Variants in ERBB4 observed in about 807,000 individuals in gnomAD.
ERBB4 encodes receptor tyrosine-protein kinase erbB-4.
A neutral mutation model predicts 158.0 loss-of-function variants in ERBB4; 42 were observed. The observed-to-expected ratio is 0.27, with a 90% CI of 0.21 to 0.34. The LOEUF (loss-of-function observed/expected upper bound fraction) is 0.34. Ranked by LOEUF, ERBB4 falls within the 10% of genes least tolerant of loss-of-function variation. The pLI is 1.00. For synonymous variants in ERBB4, 583 were observed against 558.7 expected (o/e 1.04, Z -0.61); for missense variants, 1,333 against 1,624.1 (o/e 0.82, Z 3.08).
intron 3 of ERBB4, among the ~76,000 whole-genome samples, chr2:211,822,803 C>T (rs72948566): frequency 6.6e-6 from 1 of 151,870 alleles, no homozygotes; most frequent in Non-Finnish European, 1.5e-5. Context: ...CTCTGACAAC[C>T]ACATGCTTGT....
At chr2:211,503,610 T>C (rs1438533179) in intron 20 of ERBB4, among the ~76,000 whole-genome samples, 1 of 152,124 alleles carries the variant, frequency 6.6e-6, no homozygotes, top group Non-Finnish European at 1.5e-5. Context: ...TGGACCCGCA[T>C]AGCGCCTTGG....
intron 3 of ERBB4, among the ~76,000 whole-genome samples, chr2:211,923,364 G>A (rs74976839): frequency 0.031 from 4,771 of 152,218 alleles, 263 homozygotes; most frequent in African/African-American, 0.11. Context: ...TTAAAAAAGA[G>A]TTTGGTTAAA....
chr2:212,474,822 C>CTTTTTTTTTTTTTTTTT lies in ERBB4; in HGVS notation c.82+63610_82+63626dup, dbSNP rs539959668. ...CACCATTTCCTGACACCCGGCCATT[C>CTTTTTTTTTTTTTTTTT]TTTTTTTTTTTTTTTTTTGTCAAGA... On this transcript the variant is annotated intron_variant, in intron 1 of 27. Coordinates refer to ENST00000342788, the MANE Select transcript of ERBB4 (RefSeq NM_005235.3). Among the ~76,000 whole-genome samples, 101 of 94,386 alleles carry CTTTTTTTTTTTTTTTTT rather than the reference C, an allele frequency of 1.1e-3. 12 individuals carry two copies. The highest frequency in any genetic ancestry group is 5.3e-3 in the Middle Eastern group (1 of 188). The allele number at this position is 94,386 out of a possible 152,430, so 61.9% of individuals were successfully genotyped here. A position where few individuals can be genotyped will look rare whatever the true frequency, so the allele number is the denominator to read the frequency against.
chr2:212,473,774 T>G (rs1689234408), intron 1 of ERBB4, among the ~76,000 whole-genome samples: 1 of 152,038 alleles, frequency 6.6e-6, no homozygotes, highest in African/African-American at 2.4e-5. Context: ...CATATTTTCT[T>G]TTTCTCAGAG....
intron 1 of ERBB4, among the ~76,000 whole-genome samples, chr2:212,207,923 T>A (rs1254829618): frequency 5.9e-5 from 9 of 151,298 alleles, no homozygotes; most frequent in East Asian, 1.9e-4. Context: ...TGCAATTTTT[T>A]AATTTGTATT....
Position 211,773,629 on chromosome 2 carries a change from T to TA in ERBB4, c.556+14395dup, listed in dbSNP as rs1183078014. ...ATATATATATATATATATATATATA[T>TA]ATATATATATATATATATAATATAT... On this transcript the variant is annotated intron_variant, in intron 4 of 27. Transcript: ENST00000342788. Among the ~76,000 whole-genome samples the TA allele has an allele frequency of 1.4e-3, 72 of 51,058 alleles. 4 individuals are homozygous for TA. The highest frequency in any genetic ancestry group is 2.2e-3 in the Non-Finnish European group (55 of 24,612). The allele number at this position is 51,058 out of a possible 152,430, so 33.5% of individuals were successfully genotyped here.
At chr2:212,488,721 A>G (rs1233651449) in intron 1 of ERBB4, among the ~76,000 whole-genome samples, 1 of 151,874 alleles carries the variant, frequency 6.6e-6, no homozygotes, top group African/African-American at 2.4e-5. Flanking sequence ...TTCCTACCAC[A>G]GAAATACTCT....
At chr2:212,169,303 T>C (rs1273171095) in intron 1 of ERBB4, among the ~76,000 whole-genome samples, 1 of 152,114 alleles carries the variant, frequency 6.6e-6, no homozygotes, top group Non-Finnish European at 1.5e-5. Context: ...TAGTAAAGTA[T>C]AGGAAATCCA....
Position 211,956,271 on chromosome 2 carries a change from A to G in ERBB4, c.235-8655T>C, listed in dbSNP as rs546682148. Among the ~76,000 whole-genome samples, 53 of 152,282 alleles carry G rather than the reference A, an allele frequency of 3.5e-4. No individual in the cohort carries two copies. In the South Asian group the frequency reaches 0.011, roughly 32 times the overall value. ...ACGCATAAATGCAAAAATAGTAAGA[A>G]TGTTTGGAAACCTTTGAATTAAACT... On this transcript the variant is annotated intron_variant, in intron 2 of 27. Transcript: ENST00000342788.
At chr2:212,124,632 A>T in intron 2 of ERBB4, 120 bp downstream of exon 2, 2 of 1,110,880 alleles carry the variant, frequency 1.8e-6, no homozygotes, top group Non-Finnish European at 2.7e-6. Flanking sequence ...TTTTGCCTAT[A>T]GTCACAGTGC....
chr2:212,190,129 G>T (rs1278472069), intron 1 of ERBB4, among the ~76,000 whole-genome samples: 1 of 146,544 alleles, frequency 6.8e-6, no homozygotes, highest in African/African-American at 2.4e-5. Flanking sequence ...TTTACTTACT[G>T]AACTAGAAAA....
At chr2:212,135,350 T>C (rs1462377052) in intron 1 of ERBB4, among the ~76,000 whole-genome samples, 2 of 152,204 alleles carry the variant, frequency 1.3e-5, no homozygotes, top group Admixed American at 1.3e-4. Context: ...TACCTTGATA[T>C]AGTCTTCCCA....
intron 1 of ERBB4, among the ~76,000 whole-genome samples, chr2:212,350,889 A>G (rs944113418): frequency 2.0e-5 from 3 of 152,154 alleles, no homozygotes; most frequent in Non-Finnish European, 4.4e-5. Flanking sequence ...CTAATGAGTA[A>G]AAATATGATC....
chr2:211,529,741 CA>C (rs989425712), intron 20 of ERBB4, among the ~76,000 whole-genome samples: 76 of 152,014 alleles, frequency 5.0e-4, no homozygotes, highest in African/African-American at 1.7e-3. Context: ...AATAAAGGAC[CA>C]AAATTATATA....
chr2:212,191,951 A>ATATATGT (rs1559706000), intron 1 of ERBB4, among the ~76,000 whole-genome samples: 19 of 135,760 alleles, frequency 1.4e-4, no homozygotes, highest in African/African-American at 5.2e-4. Context: ...TGCATATGTT[A>ATATATGT]TATATGTTAT....
Position 211,996,454 on chromosome 2 carries a change from A to T in ERBB4, c.235-48838T>A, listed in dbSNP as rs553924836. Among the ~76,000 whole-genome samples, 52 of 152,224 alleles carry T rather than the reference A, an allele frequency of 3.4e-4. 1 individual carries two copies. The South Asian group carries it at 8.7e-3, about 25-fold the overall frequency. On this transcript the variant is annotated intron_variant, in intron 2 of 27. Transcript: ENST00000342788. ...AAGCTGATAGAGTATTTATAATAAG[A>T]AGTTACCTTTTTTGCTGGTTATGAC... is the stretch of plus-strand genomic sequence containing the variant.
intron 1 of ERBB4, among the ~76,000 whole-genome samples, chr2:212,270,046 T>C (rs2085288456): frequency 6.6e-6 from 1 of 151,826 alleles, no homozygotes; most frequent in African/African-American, 2.4e-5. Context: ...CTAAGGAGTT[T>C]TGTCATTTGC....
At position 212,349,501 on chromosome 2, in the gene ERBB4, TAAAATAA is replaced by T. The variant is rs141432605; in HGVS notation, c.82+188941_82+188947del. ...GTAACAGAAAACCTGACTAACAGAT[TAAAATAA>T]GAGTTAAGTTTTCTGTCATAGTAAG... On this transcript the variant is annotated intron_variant, in intron 1 of 27. Transcript: ENST00000342788. Among the ~76,000 whole-genome samples the T allele has an allele frequency of 9.7e-3, 1,476 of 152,202 alleles. 28 individuals carry two copies. The highest frequency in any genetic ancestry group is 0.034 in the African/African-American group (1,392 of 41,542).
At chr2:212,368,002 G>T (rs2089951256) in intron 1 of ERBB4, among the ~76,000 whole-genome samples, 2 of 152,074 alleles carry the variant, frequency 1.3e-5, no homozygotes, top group South Asian at 4.1e-4. Context: ...AACTAGTACA[G>T]CCACTATAAA....
Sources: gnomAD v4.1 joint callset for allele counts (sites outside exome capture counted in the v4.1 genomes callset) on GRCh38, gnomAD v4.1.1 for gene constraint, MANE v1.5 for transcripts, NCBI Gene and HGNC (gene_info 2026-07-23, HGNC 2026-07-21) for gene names.